TENT4A: variants seen among roughly 807,000 people sequenced by gnomAD.
TENT4A encodes DNA polymerase kappa.
A neutral mutation model predicts 72.8 loss-of-function variants in TENT4A; 7 were observed. The observed-to-expected ratio is 0.10, with a 90% CI of 0.05 to 0.18. The LOEUF is 0.18. Ranked by LOEUF, TENT4A falls within the 10% of genes least tolerant of loss-of-function variation. The pLI is 1.00. For missense variants in TENT4A, 831 were observed against 1,017.7 expected (o/e 0.82, Z 2.50); for synonymous variants, 456 against 434.3 (o/e 1.05, Z -0.62).
intron 7 of TENT4A, among the ~76,000 whole-genome samples, chr5:6,748,044 A>C (rs1215499714): frequency 6.6e-6 from 1 of 152,190 alleles, no homozygotes; most frequent in Admixed American, 6.5e-5. Context: ...GGGCACTGTG[A>C]GGCCTCCTGA....
intron 1 of TENT4A, among the ~76,000 whole-genome samples, chr5:6,716,020 A>G (rs1448135684): frequency 6.6e-6 from 1 of 152,114 alleles, no homozygotes; most frequent in Non-Finnish European, 1.5e-5. Context: ...CCAGCCTGTT[A>G]TGTAACTGGA....
chr5:6,739,428 C>T (rs1741686440), intron 3 of TENT4A, among the ~76,000 whole-genome samples: 1 of 152,158 alleles, frequency 6.6e-6, no homozygotes, highest in Non-Finnish European at 1.5e-5. Flanking sequence ...GGGGCCTCAG[C>T]CTGGTTTGGG....
chr5:6,745,059 A>C (rs1277384515), intron 6 of TENT4A, among the ~76,000 whole-genome samples: 1 of 152,202 alleles, frequency 6.6e-6, no homozygotes, highest in Non-Finnish European at 1.5e-5. Context: ...TCCAGTGCCC[A>C]GAGCTTGTCC....
chr5:6,714,859 A>G (rs1393444963), intron 1 of TENT4A, 160 bp downstream of exon 1: 2 of 311,704 alleles, frequency 6.4e-6, no homozygotes, highest in Non-Finnish European at 1.1e-5. Flanking sequence ...TTTTTTAAAC[A>G]TCAGACTCAT....
At chr5:6,732,602 G>C (rs144767195) in intron 1 of TENT4A, among the ~76,000 whole-genome samples, 89 of 152,336 alleles carry the variant, frequency 5.8e-4, no homozygotes, top group Non-Finnish European at 9.6e-4. Flanking sequence ...TTGCAAGGCA[G>C]TGATTGTAAA....
At position 6,735,759 on chromosome 5, in the gene TENT4A, CT is replaced by C. The variant is rs1159786956; in HGVS notation, c.717-1735del. The stretch of plus-strand genomic sequence containing the variant: ...ATGCTTGGGGTGAGGTTTTTTCTTA[CT>C]TTTTTTTTTTTTTTTGGTGAGACAG... On this transcript the variant is annotated intron_variant, in intron 1 of 12. Transcript: ENST00000230859. Among the ~76,000 whole-genome samples, 743 of 139,268 alleles carry C rather than the reference CT, an allele frequency of 5.3e-3. 2 individuals carry two copies. The highest frequency in any genetic ancestry group is 7.4e-3 in the Non-Finnish European group (474 of 63,726). The allele number at this position is 139,268 out of a possible 152,430, so 91.4% of individuals were successfully genotyped here. A position where few individuals can be genotyped will look rare whatever the true frequency, so the allele number is the denominator to read the frequency against.
intron 1 of TENT4A, among the ~76,000 whole-genome samples, chr5:6,725,335 A>T (rs1308051872): frequency 1.3e-5 from 2 of 152,244 alleles, no homozygotes; most frequent in Non-Finnish European, 2.9e-5. Context: ...AAAGAAAAAA[A>T]AAAGAAAACA....
At chr5:6,750,962 C>A in intron 10 of TENT4A, 77 bp from the exon 11 acceptor site, 6 of 1,469,608 alleles carry the variant, frequency 4.1e-6, no homozygotes, top group East Asian at 4.8e-5. Flanking sequence ...GCAGGCGTTT[C>A]TTTTCATAGC....
intron 1 of TENT4A, among the ~76,000 whole-genome samples, chr5:6,722,775 C>T (rs1740725463): frequency 6.6e-6 from 1 of 152,082 alleles, no homozygotes; most frequent in African/African-American, 2.4e-5. Context: ...CAGCTTCTAA[C>T]ATAGTGTTCT....
intron 1 of TENT4A, among the ~76,000 whole-genome samples, chr5:6,715,363 C>T (rs1275578375): frequency 6.6e-6 from 1 of 152,184 alleles, no homozygotes; most frequent in Non-Finnish European, 1.5e-5. Flanking sequence ...GAATTAGAGG[C>T]TCTACTTAAA....
intron 12 of TENT4A, 108 bp downstream of exon 12, chr5:6,753,145 C>G (rs370380605): frequency 3.4e-6 from 4 of 1,161,440 alleles, no homozygotes; most frequent in Non-Finnish European, 4.8e-6. Context: ...CATTTGAAAA[C>G]GGAATTTGCT....
Position 6,756,125 on chromosome 5 carries a change from C to T in TENT4A, c.*1180C>T, listed in dbSNP as rs1044078912. The T allele has an allele frequency of 3.3e-5, 5 of 152,574 alleles. No individual in the cohort carries two copies. The highest frequency in any genetic ancestry group is 2.1e-4 in the South Asian group (1 of 4,830). 9.5% of individuals were successfully genotyped at this position (152,574 alleles called of 1,614,324 possible). On this transcript the variant is annotated 3_prime_UTR_variant, in exon 13 of 13. Coordinates refer to ENST00000230859, the MANE Select transcript of TENT4A (RefSeq NM_006999.6). The stretch of plus-strand genomic sequence containing the variant: ...TGGGGAGTGTTTTAACGGATCGTGT[C>T]GCAGGAGAGCACAGCCCAGCGTTGG...
intron 6 of TENT4A, among the ~76,000 whole-genome samples, chr5:6,745,379 G>A (rs953937185): frequency 2.0e-5 from 3 of 152,094 alleles, no homozygotes; most frequent in African/African-American, 4.8e-5. Context: ...ATGTGCCCTC[G>A]TCCATCCCTT....
intron 1 of TENT4A, 133 bp downstream of exon 1, chr5:6,714,832 T>G (rs1740283436): frequency 2.6e-6 from 1 of 385,644 alleles, no homozygotes; most frequent in Non-Finnish European, 4.2e-6. Context: ...AAGGCCCGAC[T>G]CTGCACTGAA....
Position 6,754,913 on chromosome 5 carries a change from C to T in TENT4A, c.2347C>T (p.Arg783Trp), listed in dbSNP as rs1277058984. 6 of 1,590,944 alleles carry T rather than the reference C, an allele frequency of 3.8e-6. No individual in the cohort carries two copies. The highest frequency in any genetic ancestry group is 2.3e-5 in the East Asian group (1 of 44,036). ...GWRRKKHTHT[R>W]DSLPVSLSR ...GAGGAGGAAAAAACACACACACACA[C>T]GGGACAGTCTGCCCGTGAGCCTCAG... The change falls in exon 13 of 13, where the codon CGG (arginine) becomes TGG (tryptophan). Residue 783 changes from arginine (R) to tryptophan (W), a missense_variant. Physicochemically the swap from Arg to Trp is moderately radical, Grantham distance 101 (BLOSUM62 -3). Coordinates refer to ENST00000230859, the MANE Select transcript of TENT4A (RefSeq NM_006999.6).
At chr5:6,737,708 T>G in intron 2 of TENT4A, 75 bp downstream of exon 2, 4 of 1,480,918 alleles carry the variant, frequency 2.7e-6, no homozygotes, top group Non-Finnish European at 3.7e-6. Flanking sequence ...TGATGATGTG[T>G]CGGCTAGATC....
intron 1 of TENT4A, among the ~76,000 whole-genome samples, chr5:6,724,426 C>T (rs1740809909): frequency 6.6e-6 from 1 of 152,040 alleles, no homozygotes; most frequent in African/African-American, 2.4e-5. Flanking sequence ...CTGTGAAATG[C>T]AAAGGAATTC....
chr5:6,743,624 T>A (rs1741940082), intron 5 of TENT4A, 88 bp from the exon 6 acceptor site: 1 of 1,109,890 alleles, frequency 9.0e-7, no homozygotes, highest in African/African-American at 1.6e-5. Context: ...GAGGAAACTT[T>A]CCTTTCTGTC....
At chr5:6,734,542 CCA>C (rs1741373834) in intron 1 of TENT4A, among the ~76,000 whole-genome samples, 1 of 152,268 alleles carries the variant, frequency 6.6e-6, no homozygotes, top group South Asian at 2.1e-4. Flanking sequence ...ACTCCGTCAT[CCA>C]AGAGGCATGG....
Sources: allele counts gnomAD v4.1 joint callset (sites outside exome capture counted in the v4.1 genomes callset), GRCh38; gene constraint gnomAD v4.1.1; transcripts MANE v1.5; gene names NCBI Gene and HGNC (gene_info 2026-07-23, HGNC 2026-07-21).